Variants in OR2L13 observed in about 807,000 individuals in gnomAD.
OR2L13 encodes olfactory receptor 2L13.
Under a neutral mutation model 15.3 loss-of-function variants are expected in OR2L13, and 14 were observed. That is an observed-to-expected ratio of 0.91 (90% CI 0.60 to 1.43). The LOEUF (loss-of-function observed/expected upper bound fraction) is 1.43, where lower values mean the gene tolerates loss of function less well. Ranked by LOEUF, OR2L13 falls within the 40% of genes most tolerant of loss-of-function variation. OR2L13 has a pLI of 0.00. For missense variants in OR2L13, 367 were observed against 387.9 expected (o/e 0.95, Z 0.45); for synonymous variants, 152 against 142.9 (o/e 1.06, Z -0.45).
At chr1:247,999,330 G>T in the OR2L13 span, among the ~76,000 whole-genome samples, 4 of 152,208 alleles carry the variant, frequency 2.6e-5, no homozygotes, top group African/African-American at 7.2e-5. Context: ...ATATATCCAT[G>T]GAAATGTCTG....
chr1:248,005,777 G>A, the OR2L13 span, among the ~76,000 whole-genome samples: 5,673 of 151,976 alleles, frequency 0.037, 316 homozygotes, highest in African/African-American at 0.13. Flanking sequence ...AAAGTATTAC[G>A]GTAAAAATTA....
chr1:247,991,134 C>T, the OR2L13 span: 5 of 1,606,360 alleles, frequency 3.1e-6, no homozygotes, highest in Non-Finnish European at 3.4e-6. Flanking sequence ...CCATCATCTA[C>T]AGCCTGAGAA....
chr1:248,098,596 G>A (rs1664783746), intron 1 of OR2L13, 55 bp from the exon 2 acceptor site: 1 of 152,180 alleles, frequency 6.6e-6, no homozygotes, highest in African/African-American at 2.4e-5. Flanking sequence ...TAACAGTTGA[G>A]TTTAAGTTCC....
At chr1:248,042,764 A>G in the OR2L13 span, among the ~76,000 whole-genome samples, 2 of 152,100 alleles carry the variant, frequency 1.3e-5, no homozygotes, top group East Asian at 1.9e-4. Flanking sequence ...ATATTTTAAA[A>G]CTCTCTTTCT....
At chr1:248,091,588 C>T (rs913767205), upstream of OR2L13, among the ~76,000 whole-genome samples, 8 of 151,946 alleles carry the variant, frequency 5.3e-5, no homozygotes, top group African/African-American at 1.9e-4. Context: ...AATCAGATGG[C>T]TCTCGGTGTA....
chr1:248,006,547 A>G, the OR2L13 span, among the ~76,000 whole-genome samples: 1 of 152,142 alleles, frequency 6.6e-6, no homozygotes, highest in African/African-American at 2.4e-5. Context: ...AAGAGTGAAC[A>G]TGAAGTGAAT....
At chr1:248,008,102 C>CT in the OR2L13 span, among the ~76,000 whole-genome samples, 1 of 152,140 alleles carries the variant, frequency 6.6e-6, no homozygotes, top group Middle Eastern at 3.2e-3. Context: ...TTGGTACATT[C>CT]TTATACTTTT....
upstream of OR2L13, among the ~76,000 whole-genome samples, chr1:248,096,996 C>A (rs187466718): frequency 2.9e-3 from 445 of 152,236 alleles, 1 homozygote; most frequent in Non-Finnish European, 5.4e-3. Context: ...TGGCAACTAA[C>A]CATGAATTAA....
At chr1:247,974,544 T>G in the OR2L13 span, among the ~76,000 whole-genome samples, 27 of 152,340 alleles carry the variant, frequency 1.8e-4, no homozygotes, top group South Asian at 1.2e-3. Flanking sequence ...AATCTCTTAC[T>G]TGCCTAACTT....
At chr1:248,044,515 C>G in the OR2L13 span, among the ~76,000 whole-genome samples, 2 of 128,674 alleles carry the variant, frequency 1.6e-5, no homozygotes, top group East Asian at 4.5e-4. Flanking sequence ...TTAAAAACGC[C>G]TTCCCCGGCC....
the OR2L13 span, among the ~76,000 whole-genome samples, chr1:247,947,113 T>G: frequency 6.6e-6 from 1 of 152,218 alleles, no homozygotes; most frequent in Non-Finnish European, 1.5e-5. Flanking sequence ...GCTTAATATT[T>G]TTATCAATTA....
At chr1:247,940,803 A>T in the OR2L13 span, among the ~76,000 whole-genome samples, 2 of 150,472 alleles carry the variant, frequency 1.3e-5, no homozygotes, top group African/African-American at 2.5e-5. Context: ...ATCCTTTTTA[A>T]ATTTTTTGAG....
At chr1:248,068,750 T>C in the OR2L13 span, among the ~76,000 whole-genome samples, 3 of 152,030 alleles carry the variant, frequency 2.0e-5, no homozygotes, top group Non-Finnish European at 4.4e-5. Context: ...AAAGTATAAC[T>C]AGAATAACCA....
chr1:248,022,533 T>A, the OR2L13 span: 2 of 1,614,172 alleles, frequency 1.2e-6, no homozygotes, highest in Non-Finnish European at 1.7e-6. Context: ...GGTCTATGAG[T>A]ACACAGTGTT....
chr1:247,961,635 A>G, the OR2L13 span, among the ~76,000 whole-genome samples: 1 of 152,196 alleles, frequency 6.6e-6, no homozygotes, highest in South Asian at 2.1e-4. Context: ...TGGGTCAGAA[A>G]TTTGTCCCAA....
the OR2L13 span, among the ~76,000 whole-genome samples, chr1:248,055,150 G>A: frequency 2.0e-5 from 3 of 152,058 alleles, no homozygotes; most frequent in Non-Finnish European, 4.4e-5. Context: ...TAACATGAAG[G>A]GAAGTCGAAT....
chr1:248,064,460 C>T, the OR2L13 span, among the ~76,000 whole-genome samples: 1 of 152,162 alleles, frequency 6.6e-6, no homozygotes, highest in Non-Finnish European at 1.5e-5. Context: ...ATACATTTCT[C>T]TTGTTTATAG....
the OR2L13 span, among the ~76,000 whole-genome samples, chr1:248,085,469 C>CAAAA: frequency 6.2e-3 from 424 of 67,866 alleles, 14 homozygotes; most frequent in East Asian, 0.029. Context: ...AGAGAAGCAC[C>CAAAA]AAAAAAAAAA....
At chr1:247,949,602 T>G in the OR2L13 span, 2 of 1,614,032 alleles carry the variant, frequency 1.2e-6, no homozygotes, top group Admixed American at 1.7e-5. Context: ...TGTAGTAACT[T>G]TCTACTATGC....
Sources: gnomAD v4.1 joint callset for allele counts (sites outside exome capture counted in the v4.1 genomes callset) on GRCh38, gnomAD v4.1.1 for gene constraint, MANE v1.5 for transcripts, NCBI Gene and HGNC (gene_info 2026-07-23, HGNC 2026-07-21) for gene names.